MYO15B: variants seen among roughly 807,000 people sequenced by gnomAD.
MYO15B encodes myosin XVB pseudogene.
MYO15B carries 207 observed loss-of-function variants against 119.3 expected under a neutral mutation model. That is an observed-to-expected ratio of 1.73 (90% confidence interval 1.55 to 1.95). The LOEUF (loss-of-function observed/expected upper bound fraction) is 1.95. MYO15B is among the 30% of genes most tolerant of loss of function. MYO15B has a pLI of 0.00. For synonymous variants in MYO15B, 966 were observed against 498.9 expected, an observed-to-expected ratio of 1.94 and a Z score of -12.48; for missense variants, 2,264 against 1,203.1, an observed-to-expected ratio of 1.88 and a Z score of -13.04.
exon 1 of MYO15B, chr17:75,590,230 C>G: frequency 2.5e-6 from 1 of 399,114 alleles, no homozygotes; most frequent in East Asian, 3.6e-5. Context: ...CATGGAGGAC[C>G]TGGCGCGGTT....
chr17:75,617,879 TCTC>T (rs958339009), exon 42 of MYO15B: 2 of 702,768 alleles, frequency 2.8e-6, no homozygotes, highest in Admixed American at 4.0e-5. Flanking sequence ...AGCGTGTGCT[TCTC>T]CTACACCGGC....
intron 43 of MYO15B, 112 bp from the exon 44 acceptor site, chr17:75,619,030 GC>G (rs753868622): frequency 1.5e-4 from 99 of 667,786 alleles, no homozygotes; most frequent in Non-Finnish European, 2.4e-4. Flanking sequence ...GGCCATGGGG[GC>G]CAGGGCGCCC....
chr17:75,626,455 T>C (rs1568247148), exon 64 of MYO15B: 1 of 703,286 alleles, frequency 1.4e-6, no homozygotes, highest in Non-Finnish European at 2.6e-6. Context: ...CAGCAGTGCC[T>C]CTTGCACTGA....
At chr17:75,607,456 A>C (rs1467867252) in intron 21 of MYO15B, among the ~76,000 whole-genome samples, 1 of 148,872 alleles carries the variant, frequency 6.7e-6, no homozygotes, top group East Asian at 2.0e-4. Flanking sequence ...TATTATTATT[A>C]TTATTATTAT....
exon 64 of MYO15B, chr17:75,626,701 C>G (rs541851041): frequency 8.7e-6 from 5 of 576,146 alleles, no homozygotes; most frequent in Non-Finnish European, 1.5e-5. Flanking sequence ...GGGGCCAAAG[C>G]GGGCTGCAGG....
rs188993480 is a variant in MYO15B, at chr17:75,618,598, G to A, written c.6987+413G>A. ...CGGGAGGCAGAGGTTGTAGTGAGCCGAGATTGTGCCACTGCACTCCCGCCT... is the reference window on the plus strand; with the variant it reads ...CGGGAGGCAGAGGTTGTAGTGAGCCAAGATTGTGCCACTGCACTCCCGCCT... On this transcript the variant is annotated intron_variant, in intron 43 of 63. Transcript: ENST00000645453. 3.3e-4 allele frequency among the ~76,000 whole-genome samples: 50 copies of A among 152,320 alleles called. 1 individual carries two copies. The highest frequency in any genetic ancestry group is 6.8e-3 in the Middle Eastern group (2 of 294).
intron 14 of MYO15B, among the ~76,000 whole-genome samples, chr17:75,598,652 G>T (rs538232484): frequency 6.6e-6 from 1 of 151,604 alleles, no homozygotes; most frequent in African/African-American, 2.4e-5. Flanking sequence ...ACTATATATT[G>T]ATATATAACA....
intron 14 of MYO15B, 27 bp from the exon 15 acceptor site, chr17:75,601,411 G>A: frequency 1.4e-6 from 1 of 702,564 alleles, no homozygotes; most frequent in Non-Finnish European, 2.6e-6. Flanking sequence ...GCAGAGGCGT[G>A]AAGGGAGCTC....
chr17:75,605,847 C>T lies in MYO15B; in HGVS notation c.4135-17C>T, dbSNP rs755027494. On this transcript the variant is annotated splice_polypyrimidine_tract_variant and intron_variant, in intron 20 of 63. Transcript: ENST00000645453. ...TGGCTCCTGGCTCCTGCCTACAGCC[C>T]ACCCCTCTACCCACAGGTCCTGCTG... is the stretch of plus-strand genomic sequence containing the variant. The T allele has an allele frequency of 2.2e-5, 15 of 677,404 alleles. No homozygotes were observed. Among genetic ancestry groups the T allele is most frequent in the Non-Finnish European group, 5.4e-6 (2 of 367,692 alleles). 42.0% of individuals were successfully genotyped at this position (677,404 alleles called of 1,614,324 possible).
chr17:75,623,769 C>G lies in MYO15B; in HGVS notation c.8083-12C>G, dbSNP rs141535977. 2.8e-6 allele frequency: 2 copies of G among 703,108 alleles called. No homozygotes were observed. Among genetic ancestry groups the G allele is most frequent in the African/African-American group, 3.5e-5 (2 of 57,264 alleles). 43.6% of individuals were successfully genotyped at this position (703,108 alleles called of 1,614,324 possible). A position where few individuals can be genotyped will look rare whatever the true frequency, so the allele number is the denominator to read the frequency against. On this transcript the variant is annotated splice_polypyrimidine_tract_variant and intron_variant, in intron 53 of 63. Transcript: ENST00000645453. ...CCATCCCTCACCCCACCTGCCCTTC[C>G]TGTCCCCACAGCTGTGCCAGCAGGA...
intron 53 of MYO15B, among the ~76,000 whole-genome samples, chr17:75,623,457 C>G (rs528992519): frequency 3.9e-5 from 6 of 152,202 alleles, no homozygotes; most frequent in Non-Finnish European, 8.8e-5. Context: ...TAGTGAAACC[C>G]CATCTCTGCT....
At chr17:75,594,903 A>G in exon 12 of MYO15B, 1 of 702,944 alleles carries the variant, frequency 1.4e-6, no homozygotes, top group Non-Finnish European at 2.6e-6. Flanking sequence ...GAACCAATGC[A>G]CGGCTGGCAC....
At chr17:75,621,214 T>C in intron 50 of MYO15B, 38 bp downstream of exon 50, 1 of 667,642 alleles carries the variant, frequency 1.5e-6, no homozygotes, top group Non-Finnish European at 2.7e-6. Flanking sequence ...CTGTCTGTCC[T>C]CAGTCTTCCT....
At chr17:75,597,426 C>T (rs75169949) in intron 14 of MYO15B, among the ~76,000 whole-genome samples, 14,538 of 152,320 alleles carry the variant, frequency 0.095, 808 homozygotes, top group African/African-American at 0.15. Flanking sequence ...CATTCACTGA[C>T]TCCTTACCGC....
exon 5 of MYO15B, chr17:75,591,673 C>A (rs2056461465): frequency 1.4e-6 from 1 of 702,842 alleles, no homozygotes; most frequent in South Asian, 1.5e-5. Flanking sequence ...AGTTCCTAAG[C>A]AGCCTGGAGC....
intron 49 of MYO15B, 47 bp downstream of exon 49, chr17:75,620,683 AC>A: frequency 1.4e-6 from 1 of 690,302 alleles, no homozygotes. Flanking sequence ...CCTGCCTGAG[AC>A]TGAGGAAGGA....
chr17:75,594,637 G>C (rs1377733074), intron 10 of MYO15B, 49 bp downstream of exon 10: 2 of 698,288 alleles, frequency 2.9e-6, no homozygotes, highest in Admixed American at 4.0e-5. Context: ...CTGACCCACA[G>C]GCTGAGTAAG....
At chr17:75,599,111 T>G (rs2057075083) in intron 14 of MYO15B, among the ~76,000 whole-genome samples, 1 of 152,228 alleles carries the variant, frequency 6.6e-6, no homozygotes, top group Non-Finnish European at 1.5e-5. Context: ...TTGCCCAGGC[T>G]GGTCTCAACC....
At position 75,625,141 on chromosome 17, in the gene MYO15B, C is replaced by T. The variant is rs1568239022; in HGVS notation, c.8707C>T (p.Gln2903Ter). The T allele has an allele frequency of 4.3e-6, 3 of 700,610 alleles. No individual in the cohort carries two copies. The highest frequency in any genetic ancestry group is 4.0e-5 in the Admixed American group (2 of 49,756). The allele number at this position is 700,610 out of a possible 1,614,324, so 43.4% of individuals were successfully genotyped here. ...CGCACAGGTGCTGTGGGACTACCTT[C>T]AGGGGAAGCTGCCAGTCAGCGCCAA... Residue 2903 changes from glutamine (Q) to a stop codon, truncating the protein, a stop_gained, in exon 60 of 64, where the codon CAG becomes TAG. Transcript: ENST00000645453. LOFTEE classifies it high-confidence loss of function.
Sources: allele counts gnomAD v4.1 joint callset (sites outside exome capture counted in the v4.1 genomes callset), GRCh38; gene constraint gnomAD v4.1.1; transcripts MANE v1.5; gene names NCBI Gene and HGNC (gene_info 2026-07-23, HGNC 2026-07-21).